The following CHST8 variants were observed in gnomAD, a reference collection of about 807,000 sequenced individuals.
The protein encoded by CHST8 is carbohydrate sulfotransferase 8.
Under a neutral mutation model 15.0 loss-of-function variants are expected in CHST8, and 10 were observed. That is an observed-to-expected ratio of 0.67 (90% CI 0.41 to 1.13). The LOEUF is 1.13. Among genes scored for constraint, CHST8 ranks in the 50% most tolerant of loss-of-function variants. The probability of loss-of-function intolerance (pLI) is 0.00; values close to 1 mark genes in which losing one functional copy is unlikely to be tolerated. For missense variants in CHST8, 634 were observed against 608.2 expected, an observed-to-expected ratio of 1.04 and a Z score of -0.45; for synonymous variants, 259 against 256.6, an observed-to-expected ratio of 1.01 and a Z score of -0.09.
chr19:33,677,156 G>A (rs955430365), intron 2 of CHST8, among the ~76,000 whole-genome samples: 2 of 131,642 alleles, frequency 1.5e-5, no homozygotes, highest in East Asian at 2.0e-4. Flanking sequence ...GTGATCAGCC[G>A]GCAGGGGGGG....
chr19:33,723,126 G>A (rs1249689209), intron 3 of CHST8, among the ~76,000 whole-genome samples: 1 of 152,214 alleles, frequency 6.6e-6, no homozygotes. Flanking sequence ...GTGGGAATGT[G>A]TGCACGCCCT....
At chr19:33,637,082 T>A (rs1156307754) in intron 1 of CHST8, among the ~76,000 whole-genome samples, 2 of 152,328 alleles carry the variant, frequency 1.3e-5, no homozygotes, top group Non-Finnish European at 2.9e-5. Flanking sequence ...GCCATGGCAT[T>A]TGTAAACTGT....
intron 3 of CHST8, among the ~76,000 whole-genome samples, chr19:33,727,553 G>A (rs969394720): frequency 2.0e-5 from 3 of 152,358 alleles, no homozygotes; most frequent in African/African-American, 7.2e-5. Flanking sequence ...CTCAGCACCG[G>A]ATGGGGCTGT....
At chr19:33,707,341 A>T (rs1349419845) in intron 3 of CHST8, among the ~76,000 whole-genome samples, 1 of 151,996 alleles carries the variant, frequency 6.6e-6, no homozygotes, top group Non-Finnish European at 1.5e-5. Context: ...CGCATGAGCC[A>T]CCTAGCCTGA....
chr19:33,674,292 A>G (rs769577953), intron 2 of CHST8, among the ~76,000 whole-genome samples: 26 of 152,190 alleles, frequency 1.7e-4, no homozygotes, highest in Non-Finnish European at 3.2e-4. Context: ...ACTGTCACCT[A>G]GGTGTGGCCT....
intron 1 of CHST8, among the ~76,000 whole-genome samples, chr19:33,662,049 TA>T (rs1972593940): frequency 6.6e-6 from 1 of 151,810 alleles, no homozygotes; most frequent in Non-Finnish European, 1.5e-5. Flanking sequence ...AATGAATAAA[TA>T]AAAGGATGAT....
chr19:33,661,278 T>G (rs565661104), intron 1 of CHST8, among the ~76,000 whole-genome samples: 23 of 152,344 alleles, frequency 1.5e-4, no homozygotes, highest in Non-Finnish European at 2.4e-4. Flanking sequence ...GATGTTTGTG[T>G]GCATTGAGAT....
chr19:33,694,093 CATAT>C (rs3040787), intron 3 of CHST8, among the ~76,000 whole-genome samples: 1,073 of 31,290 alleles, frequency 0.034, 46 homozygotes, highest in Middle Eastern at 0.16. Flanking sequence ...GTAGTTTATT[CATAT>C]ATATATATAT....
intron 1 of CHST8, among the ~76,000 whole-genome samples, chr19:33,629,523 C>T (rs1034025637): frequency 1.3e-5 from 2 of 152,236 alleles, no homozygotes; most frequent in African/African-American, 2.4e-5. Context: ...CAGCACAGGT[C>T]GGGCCCTGGG....
chr19:33,716,596 G>C (rs1342393439), intron 3 of CHST8, among the ~76,000 whole-genome samples: 1 of 152,122 alleles, frequency 6.6e-6, no homozygotes, highest in Non-Finnish European at 1.5e-5. Context: ...TCGAACTCCT[G>C]GGCTGAAGCG....
In CHST8 at chr19:33,680,512, C is replaced by T. The variant is rs140590971; in HGVS notation, c.-86-8664C>T. Among the ~76,000 whole-genome samples, 137 of 152,342 alleles carry T rather than the reference C, an allele frequency of 9.0e-4. 3 individuals carry two copies. In the East Asian group the frequency reaches 0.026, roughly 28 times the overall value. On this transcript the variant is annotated intron_variant, in intron 2 of 4. Coordinates refer to ENST00000650847, the MANE Select transcript of CHST8 (RefSeq NM_001127895.2). ...CACGTCAGCCCTCTTCAAGGTTCCT[C>T]ACTGAAAAGAAATTGAGCATGCAAA...
At chr19:33,648,150 C>T (rs1211952560) in intron 1 of CHST8, among the ~76,000 whole-genome samples, 1 of 152,046 alleles carries the variant, frequency 6.6e-6, no homozygotes. Flanking sequence ...GAGGGCAGAA[C>T]AGTGGATGCA....
intron 1 of CHST8, among the ~76,000 whole-genome samples, chr19:33,626,281 AC>A (rs1395603195): frequency 6.6e-6 from 1 of 152,108 alleles, no homozygotes; most frequent in Non-Finnish European, 1.5e-5. Context: ...TCTAGCCTGC[AC>A]TGGCTGGATT....
chr19:33,638,671 AG>A, intron 1 of CHST8, among the ~76,000 whole-genome samples: 2 of 152,324 alleles, frequency 1.3e-5, no homozygotes, highest in African/African-American at 4.8e-5. Context: ...TCTGTCGGAA[AG>A]GGAGTTAAGG....
At chr19:33,627,365 G>A (rs1158048577) in intron 1 of CHST8, among the ~76,000 whole-genome samples, 1 of 152,116 alleles carries the variant, frequency 6.6e-6, no homozygotes, top group African/African-American at 2.4e-5. Flanking sequence ...GCCCATCTCG[G>A]GCTCCCAAAG....
intron 3 of CHST8, among the ~76,000 whole-genome samples, chr19:33,743,882 C>G (rs1974256778): frequency 2.6e-5 from 4 of 151,750 alleles, no homozygotes; most frequent in Admixed American, 2.0e-4. Context: ...ACCTCTGCCT[C>G]CCAAGCTCAA....
At chr19:33,722,365 G>A (rs1335391485) in intron 3 of CHST8, among the ~76,000 whole-genome samples, 1 of 152,150 alleles carries the variant, frequency 6.6e-6, no homozygotes, top group African/African-American at 2.4e-5. Context: ...ATGGATGGAC[G>A]GACGGACAGA....
chr19:33,761,840 A>AAAGG (rs1974735617), intron 3 of CHST8, among the ~76,000 whole-genome samples: 1 of 151,988 alleles, frequency 6.6e-6, no homozygotes, highest in South Asian at 2.1e-4. Flanking sequence ...CTCAAAAAAG[A>AAAGG]AAGGAAGGAA....
intron 3 of CHST8, among the ~76,000 whole-genome samples, chr19:33,741,635 G>T (rs1974196351): frequency 6.6e-6 from 1 of 152,000 alleles, no homozygotes; most frequent in African/African-American, 2.4e-5. Flanking sequence ...CTGGACTGGT[G>T]AAATTCCATG....
Sources: gnomAD v4.1 joint callset for allele counts (sites outside exome capture counted in the v4.1 genomes callset) on GRCh38, gnomAD v4.1.1 for gene constraint, MANE v1.5 for transcripts, NCBI Gene and HGNC (gene_info 2026-07-23, HGNC 2026-07-21) for gene names.